Variants in UBN1 observed in about 807,000 individuals in gnomAD.
The protein encoded by UBN1 is ubinuclein 1.
UBN1 carries 17 observed loss-of-function variants against 108.5 expected under a neutral mutation model. That is an observed-to-expected ratio of 0.16 (90% CI 0.11 to 0.24). UBN1 has a LOEUF of 0.24. UBN1 is among the 10% of genes least tolerant of loss of function. The probability of loss-of-function intolerance (pLI) is 1.00; values close to 1 mark genes in which losing one functional copy is unlikely to be tolerated. For missense variants in UBN1, 1,595 were observed against 1,394.4 expected (o/e 1.14, Z -2.29); for synonymous variants, 726 against 564.2 (o/e 1.29, Z -4.07).
At chr16:4,876,753 G>A in intron 15 of UBN1, 118 bp from the exon 16 acceptor site, 2 of 1,469,600 alleles carry the variant, frequency 1.4e-6, no homozygotes, top group Non-Finnish European at 1.8e-6. Flanking sequence ...CATCTGACAT[G>A]GATGTGTATG....
intron 1 of UBN1, among the ~76,000 whole-genome samples, chr16:4,849,870 C>T (rs1228744339): frequency 2.1e-5 from 3 of 140,830 alleles, no homozygotes. Flanking sequence ...GTGCTGGGTC[C>T]GGGAAGTTGA....
At position 4,856,683 on chromosome 16, in the gene UBN1, C is replaced by T. The variant is rs1427031554; in HGVS notation, c.250-1307C>T. On this transcript the variant is annotated intron_variant, in intron 2 of 17. Coordinates refer to ENST00000262376, the MANE Select transcript of UBN1 (RefSeq NM_001079514.3). ...GGAAATGGTAGTTATTGGAAGACTG[C>T]TGTTGGCAAGGCGTTCAGTAGTATA... 5.3e-5 allele frequency among the ~76,000 whole-genome samples: 8 copies of T among 152,202 alleles called. 1 individual carries two copies.
In UBN1 at chr16:4,881,186, A is replaced by G. The variant is rs893196566; in HGVS notation, c.*1054A>G. On this transcript the variant is annotated 3_prime_UTR_variant, in exon 18 of 18. Coordinates refer to ENST00000262376, the MANE Select transcript of UBN1 (RefSeq NM_001079514.3). The stretch of plus-strand genomic sequence containing the variant: ...CAGGGGTCCCAAGTCACAGATAGAC[A>G]TTCCAGTTTGTATTCTTAGGAATCA... 6.6e-6 allele frequency: 1 copy of G among 152,616 alleles called. No homozygotes were observed. The highest frequency in any genetic ancestry group is 2.4e-5 in the African/African-American group (1 of 41,436). 9.5% of individuals were successfully genotyped at this position (152,616 alleles called of 1,614,324 possible).
chr16:4,877,791 T>C lies in UBN1; in HGVS notation c.3355+317T>C. The C allele has an allele frequency of 9.6e-7, 1 of 1,043,364 alleles. No individual in the cohort carries two copies. The highest frequency in any genetic ancestry group is 1.1e-6 in the Non-Finnish European group (1 of 872,448). The allele number at this position is 1,043,364 out of a possible 1,614,324, so 64.6% of individuals were successfully genotyped here. A position where few individuals can be genotyped will look rare whatever the true frequency, so the allele number is the denominator to read the frequency against. On this transcript the variant is annotated intron_variant, in intron 17 of 17. Coordinates refer to ENST00000262376, the MANE Select transcript of UBN1 (RefSeq NM_001079514.3). The surrounding 1 kb of genome is among the most constrained non-coding windows in gnomAD (Gnocchi z 4.3). ...CTAACCCTCGGCTTGTTTTTTTCTC[T>C]TCAGTTTAAAAAAAAAAAAAAAGGG...
chr16:4,869,628 C>A (rs760182147), intron 8 of UBN1, among the ~76,000 whole-genome samples: 1 of 152,146 alleles, frequency 6.6e-6, no homozygotes, highest in Non-Finnish European at 1.5e-5. Flanking sequence ...CTGGATTGGC[C>A]CCTTGGGTCA....
In UBN1 at chr16:4,874,697, C is replaced by T; in HGVS notation, c.2287C>T (p.Leu763=). ...KKPESSGYKE[L]SCQAPLNKGL... The stretch of plus-strand genomic sequence containing the variant: ...ACCAGAGAGTTCTGGCTACAAAGAG[C>T]TGTCCTGCCAGGCTCCCCTCAATAA... The change falls in exon 15 of 18, where the codon CTG becomes TTG. Residue 763 remains leucine, a synonymous_variant. Coordinates refer to ENST00000262376, the MANE Select transcript of UBN1 (RefSeq NM_001079514.3). The T allele has an allele frequency of 2.5e-6, 4 of 1,614,140 alleles. No individual in the cohort carries two copies. The highest frequency in any genetic ancestry group is 2.5e-6 in the Non-Finnish European group (3 of 1,180,024).
chr16:4,862,859 G>C (rs1567914647), intron 7 of UBN1, among the ~76,000 whole-genome samples: 1 of 152,226 alleles, frequency 6.6e-6, no homozygotes, highest in African/African-American at 2.4e-5. Context: ...CTCAGTGATT[G>C]CCAAGTGTCA....
rs1328521909 is a variant in UBN1, at chr16:4,880,245, G to T, written c.*113G>T. On this transcript the variant is annotated 3_prime_UTR_variant, in exon 18 of 18. Coordinates refer to ENST00000262376, the MANE Select transcript of UBN1 (RefSeq NM_001079514.3). ...TGCTGCTTGGTGTTCTTCTGGAGGA[G>T]CGTGAGTTCTCAGCGGAGCGCTTCT... 3.9e-6 allele frequency: 5 copies of T among 1,265,838 alleles called. No homozygotes were observed. Among genetic ancestry groups the T allele is most frequent in the East Asian group, 2.3e-5 (1 of 42,640 alleles). 78.4% of individuals were successfully genotyped at this position (1,265,838 alleles called of 1,614,324 possible).
At chr16:4,865,706 A>G (rs919634651) in intron 7 of UBN1, among the ~76,000 whole-genome samples, 1 of 152,102 alleles carries the variant, frequency 6.6e-6, no homozygotes. Flanking sequence ...TCAGCCTGTA[A>G]TCCCAGCATT....
At chr16:4,880,033 A>G in intron 17 of UBN1, 50 bp from the exon 18 acceptor site, 6 of 1,606,034 alleles carry the variant, frequency 3.7e-6, no homozygotes, top group South Asian at 2.2e-5. Flanking sequence ...CCTTAAGGAA[A>G]TCAGAGAGCA....
chr16:4,874,402 C>A lies in UBN1; in HGVS notation c.1992C>A (p.Asp664Glu). 3 of 1,614,134 alleles carry A rather than the reference C, an allele frequency of 1.9e-6. No individual in the cohort carries two copies. Among genetic ancestry groups the A allele is most frequent in the Non-Finnish European group, 1.7e-6 (2 of 1,180,028 alleles). The change falls in exon 15 of 18, where the codon GAC becomes GAA. Residue 664 changes from aspartate to glutamate, a missense_variant. Asp to Glu is a conservative substitution (Grantham distance 45). Coordinates refer to ENST00000262376, the MANE Select transcript of UBN1 (RefSeq NM_001079514.3). ...PVNLEDSLDE[D>E]LIRNPASSVE... The stretch of plus-strand genomic sequence containing the variant: ...ACCTGGAGGACTCATTGGATGAAGA[C>A]TTGATCCGCAATCCAGCCTCCTCGG...
In UBN1 at chr16:4,861,002, A is replaced by G; in HGVS notation, c.1010A>G (p.Asp337Gly). Residue 337 changes from aspartate (D) to glycine (G), a missense_variant, in exon 7 of 18, where the codon GAT (aspartate) becomes GGT (glycine). By Grantham distance (94) the Asp-to-Gly change is moderately conservative. Transcript: ENST00000262376. ...TTCCGAGATATGGATGATGGAAGTGATTCCCTTGGGGTGGGATTGGACCAG... is the reference window on the plus strand; with the variant it reads ...TTCCGAGATATGGATGATGGAAGTGGTTCCCTTGGGGTGGGATTGGACCAG... ...SPFRDMDDGS[D>G]SLGVGLDQEF... The G allele has an allele frequency of 6.2e-7, 1 of 1,614,240 alleles. No homozygotes were observed. The highest frequency in any genetic ancestry group is 2.2e-5 in the East Asian group (1 of 44,880).
intron 15 of UBN1, among the ~76,000 whole-genome samples, chr16:4,876,628 T>C (rs1483405073): frequency 6.6e-6 from 1 of 152,112 alleles, no homozygotes; most frequent in South Asian, 2.1e-4. Flanking sequence ...GAGACATATT[T>C]AATATCCTGC....
chr16:4,851,185 G>A (rs910396058), intron 1 of UBN1, among the ~76,000 whole-genome samples: 2 of 152,160 alleles, frequency 1.3e-5, no homozygotes, highest in Non-Finnish European at 2.9e-5. Flanking sequence ...GGTTAATGAA[G>A]TAAATGTGAA....
At chr16:4,859,338 C>T (rs972278909) in intron 5 of UBN1, among the ~76,000 whole-genome samples, 179 bp downstream of exon 5, 11 of 152,284 alleles carry the variant, frequency 7.2e-5, no homozygotes, top group African/African-American at 2.4e-4. Context: ...GACACGTGCC[C>T]GTGGGGGCTC....
intron 15 of UBN1, among the ~76,000 whole-genome samples, chr16:4,875,822 C>T (rs2087855328): frequency 6.6e-6 from 1 of 152,166 alleles, no homozygotes; most frequent in Non-Finnish European, 1.5e-5. Flanking sequence ...TGGAGGTGTT[C>T]ATGGACCAGG....
At chr16:4,856,444 A>G (rs891658817) in intron 2 of UBN1, among the ~76,000 whole-genome samples, 1 of 152,238 alleles carries the variant, frequency 6.6e-6, no homozygotes, top group African/African-American at 2.4e-5. Flanking sequence ...TGCTAGACTC[A>G]GAGGACTATA....
intron 6 of UBN1, among the ~76,000 whole-genome samples, chr16:4,860,398 C>G (rs1431302204): frequency 6.6e-6 from 1 of 152,206 alleles, no homozygotes. Flanking sequence ...CTTTTTGCAA[C>G]CTTTTATTTC....
chr16:4,875,395 C>G lies in UBN1; in HGVS notation c.2985C>G (p.Pro995=). ...TGCTGACCTCGCCGTCCCTAAAGCC[C>G]TCTGCAGTTAGTAGTGTGACATCGT... ...AKLLTSPSLK[P]SAVSSVTSST... The change falls in exon 15 of 18, where the codon CCC becomes CCG. Residue 995 remains proline, a synonymous_variant. Transcript: ENST00000262376. 2.5e-6 allele frequency: 4 copies of G among 1,613,956 alleles called. No homozygotes were observed. The highest frequency in any genetic ancestry group is 3.4e-6 in the Non-Finnish European group (4 of 1,179,934).
Sources: allele counts gnomAD v4.1 joint callset (sites outside exome capture counted in the v4.1 genomes callset), GRCh38; gene constraint gnomAD v4.1.1; non-coding constraint Gnocchi (gnomAD v3.1); transcripts MANE v1.5; gene names NCBI Gene and HGNC (gene_info 2026-07-23, HGNC 2026-07-21).